FBN3: variants seen among roughly 807,000 people sequenced by gnomAD.
FBN3 encodes fibrillin-3.
A neutral mutation model predicts 330.1 loss-of-function variants in FBN3; 234 were observed. The observed-to-expected ratio is 0.71, with a 90% CI of 0.64 to 0.79. The LOEUF (loss-of-function observed/expected upper bound fraction) is 0.79. Among genes scored for constraint, FBN3 ranks in the 30% least tolerant of loss-of-function variants. FBN3 has a pLI of 0.00. For missense variants in FBN3, 3,606 were observed against 3,886.9 expected, an observed-to-expected ratio of 0.93 and a Z score of 1.92; for synonymous variants, 1,458 against 1,517.3, an observed-to-expected ratio of 0.96 and a Z score of 0.91.
In FBN3 at chr19:8,121,184, G is replaced by A. The variant is rs1219568952; in HGVS notation, c.3211+74C>T. The A allele has an allele frequency of 1.7e-5, 23 of 1,388,804 alleles. No homozygotes were observed. Among genetic ancestry groups the A allele is most frequent in the South Asian group, 4.2e-5 (3 of 71,518 alleles). The allele number at this position is 1,388,804 out of a possible 1,614,324, so 86.0% of individuals were successfully genotyped here. On this transcript the variant is annotated intron_variant, in intron 25 of 63. Coordinates refer to ENST00000600128, the MANE Select transcript of FBN3 (RefSeq NM_032447.5). The surrounding 1 kb of genome is among the most constrained non-coding windows in gnomAD (Gnocchi z 4.5). ...CATCCACGTCCACACAGCAACAGCC[G>A]TCCCCACCCTCCCTCTCCTCAATGC...
At chr19:8,101,826 C>A (rs2082333807) in intron 40 of FBN3, among the ~76,000 whole-genome samples, 1 of 152,242 alleles carries the variant, frequency 6.6e-6, no homozygotes, top group African/African-American at 2.4e-5. Flanking sequence ...ATTGATCCAT[C>A]CTGAATTCTC....
In FBN3 at chr19:8,123,501, C is replaced by T; in HGVS notation, c.3045G>A (p.Gly1015=). 2 of 1,614,154 alleles carry T rather than the reference C, an allele frequency of 1.2e-6. No homozygotes were observed. The highest frequency in any genetic ancestry group is 1.7e-6 in the Non-Finnish European group (2 of 1,180,008). ...TVGSFHCACA[G]GFALDAQERN... is the part of the protein sequence containing the mutation. ...GTTCCTGGGCATCCAGGGCGAAGCC[C>T]CCCGCACAGGCGCAGTGGAAGCTGC... The change falls in exon 24 of 64, where the codon GGG becomes GGA. Residue 1015 remains glycine, a synonymous_variant. Transcript: ENST00000600128.
At position 8,123,779 on chromosome 19, in the gene FBN3, C is replaced by A; in HGVS notation, c.2956+5G>T. On this transcript the variant is annotated splice_donor_5th_base_variant and intron_variant, in intron 23 of 63. Transcript: ENST00000600128. ...CCAGGGGCCTGACCCCTTCCCCAACCGCACCTTTATAGAATGGTCGGCCAG... is the reference window on the plus strand; with the variant it reads ...CCAGGGGCCTGACCCCTTCCCCAACAGCACCTTTATAGAATGGTCGGCCAG... 1 of 1,612,942 alleles carries A rather than the reference C, an allele frequency of 6.2e-7. No homozygotes were observed.
At chr19:8,135,936 G>GGGGGGGGGGGGGGGGCGCCCCCCCCCCCC in intron 13 of FBN3, 25 bp downstream of exon 13, 2 of 668,776 alleles carry the variant, frequency 3.0e-6, no homozygotes, top group South Asian at 1.6e-5. Flanking sequence ...GGAAGCCCCT[G>GGGGGGGGGGGGGGGGCGCCCCCCCCCCCC]CCCACCCGCC....
chr19:8,074,360 G>A (rs2081591136), intron 61 of FBN3, among the ~76,000 whole-genome samples: 1 of 152,126 alleles, frequency 6.6e-6, no homozygotes, highest in Admixed American at 6.5e-5. Flanking sequence ...CAGACAAAAG[G>A]AGGGGGCAGA....
Position 8,121,759 on chromosome 19 carries a change from A to T in FBN3, c.3083-373T>A, listed in dbSNP as rs4527135. 0.34 allele frequency among the ~76,000 whole-genome samples: 51,206 copies of T among 151,058 alleles called. 8,959 individuals carry two copies. The highest frequency in any genetic ancestry group is 0.46 in the South Asian group (2,218 of 4,792). ...ATTTTTATTACTTATTTATTTATTT[A>T]CTTTTTTAGAGACAGAGTCTTGCTC... On this transcript the variant is annotated intron_variant, in intron 24 of 63. Coordinates refer to ENST00000600128, the MANE Select transcript of FBN3 (RefSeq NM_032447.5). The surrounding 1 kb of genome is among the most constrained non-coding windows in gnomAD (Gnocchi z 4.5).
At chr19:8,118,803 C>G (rs902964484) in intron 26 of FBN3, 94 bp downstream of exon 26, 41 of 1,473,384 alleles carry the variant, frequency 2.8e-5, no homozygotes, top group South Asian at 3.8e-5. Flanking sequence ...ACATGCCCAC[C>G]CTCTCACTCA....
Position 8,134,992 on chromosome 19 carries a change from T to A in FBN3, c.1591+969A>T, listed in dbSNP as rs866376787. On this transcript the variant is annotated intron_variant, in intron 13 of 63. Transcript: ENST00000600128. ...ATATTTTACATATATATATATATAT[T>A]TTTTGAAACAAGGTCTAGGTCTGTC... is the stretch of plus-strand genomic sequence containing the variant. 1.0e-4 allele frequency among the ~76,000 whole-genome samples: 15 copies of A among 149,324 alleles called. No homozygotes were observed. The South Asian group carries it at 1.0e-3, about 10-fold the overall frequency.
At chr19:8,135,936 G>GTCACCCCCCCCCC in intron 13 of FBN3, 25 bp downstream of exon 13, 1 of 668,778 alleles carries the variant, frequency 1.5e-6, no homozygotes, top group Non-Finnish European at 2.4e-6. Context: ...GGAAGCCCCT[G>GTCACCCCCCCCCC]CCCACCCGCC....
At position 8,129,232 on chromosome 19, in the gene FBN3, A is replaced by C; in HGVS notation, c.2170+8T>G. Reference sequence around the variant, plus strand: ...CCCACACATCCGCCCGCCAGGTGGCATGCTCACCTGTGCAGTCCTTGCCTG... The same window carrying C: ...CCCACACATCCGCCCGCCAGGTGGCCTGCTCACCTGTGCAGTCCTTGCCTG... On this transcript the variant is annotated splice_region_variant and intron_variant, in intron 17 of 63. Coordinates refer to ENST00000600128, the MANE Select transcript of FBN3 (RefSeq NM_032447.5). This position sits in a 1 kb window ranked among gnomAD's most constrained non-coding sequence, Gnocchi z 4.5. The C allele has an allele frequency of 6.2e-7, 1 of 1,613,850 alleles. No individual in the cohort carries two copies. The highest frequency in any genetic ancestry group is 1.1e-5 in the South Asian group (1 of 91,038).
At chr19:8,133,185 T>A in intron 13 of FBN3, 79 bp from the exon 14 acceptor site, 2 of 1,466,148 alleles carry the variant, frequency 1.4e-6, no homozygotes, top group South Asian at 1.4e-5. Flanking sequence ...GCTCCAGGGC[T>A]GACCCCCCAG....
intron 22 of FBN3, 103 bp downstream of exon 22, chr19:8,125,789 T>C (rs2082964625): frequency 9.2e-6 from 11 of 1,197,594 alleles, no homozygotes; most frequent in Non-Finnish European, 1.1e-5. Context: ...AGACTCCATC[T>C]CAAAAAAAAA....
At position 8,102,732 on chromosome 19, in the gene FBN3, G is replaced by T. The variant is rs1457007247; in HGVS notation, c.5081C>A (p.Pro1694His). The T allele has an allele frequency of 6.2e-7, 1 of 1,612,730 alleles. No homozygotes were observed. The highest frequency in any genetic ancestry group is 1.7e-5 in the Admixed American group (1 of 60,004). Residue 1694 changes from proline (P) to histidine (H), a missense_variant, in exon 40 of 64, where the codon CCC becomes CAC. Pro to His is a moderately conservative substitution (Grantham distance 77). Transcript: ENST00000600128. ...WNRPCEACPT[P>H]ISPDYQILCG... ...TGGGGAGGGTTACTCACGACTGATG[G>T]GAGTGGGGCAGGCCTCACAGGGTCT...
chr19:8,089,867 C>A lies in FBN3; in HGVS notation c.6250+27G>T, dbSNP rs200433396. On this transcript the variant is annotated intron_variant, in intron 50 of 63. Transcript: ENST00000600128. ...ATGGATCTGGGTGGCCCAGAAGGGG[C>A]TCTTAGCATGTGGGTGAGGGGCTCA... 5.5e-5 allele frequency: 87 copies of A among 1,577,792 alleles called. No homozygotes were observed. The East Asian group carries it at 1.9e-3, about 35-fold the overall frequency.
In FBN3 at chr19:8,131,101, T is replaced by G; in HGVS notation, c.2044+134A>C. Reference sequence around the variant, plus strand: ...AGGAGTGTGAGAGAATCAGCTTCTGTTGTTGAAGCCGTCTGGTCTGGGGCA... The same window carrying G: ...AGGAGTGTGAGAGAATCAGCTTCTGGTGTTGAAGCCGTCTGGTCTGGGGCA... On this transcript the variant is annotated intron_variant, in intron 16 of 63. Coordinates refer to ENST00000600128, the MANE Select transcript of FBN3 (RefSeq NM_032447.5). This position sits in a 1 kb window ranked among gnomAD's most constrained non-coding sequence, Gnocchi z 4.5. 1 of 722,792 alleles carries G rather than the reference T, an allele frequency of 1.4e-6. No homozygotes were observed. The allele number at this position is 722,792 out of a possible 1,614,324, so 44.8% of individuals were successfully genotyped here.
At chr19:8,148,641 C>T (rs1320506979) in intron 1 of FBN3, 1 of 152,272 alleles carries the variant, frequency 6.6e-6, no homozygotes, top group African/African-American at 2.4e-5. Context: ...ACCAAGTGGC[C>T]TTCCTGTTCC....
chr19:8,099,276 A>T (rs76337675), intron 41 of FBN3, among the ~76,000 whole-genome samples: 18 of 98,866 alleles, frequency 1.8e-4, no homozygotes, highest in Admixed American at 2.8e-4. Context: ...TCATGGTTTG[A>T]TTTTTTTTTT....
Position 8,075,193 on chromosome 19 carries a change from G to A in FBN3, c.7583-3C>T. On this transcript the variant is annotated splice_region_variant and splice_polypyrimidine_tract_variant and intron_variant, in intron 60 of 63. Coordinates refer to ENST00000600128, the MANE Select transcript of FBN3 (RefSeq NM_032447.5). ...GGGCCCATCACATTCATTCACATCT[G>A]AGACATAGAGAGAGGGAGAGAGGGT... The A allele has an allele frequency of 6.4e-7, 1 of 1,565,760 alleles. No homozygotes were observed. The highest frequency in any genetic ancestry group is 8.7e-7 in the Non-Finnish European group (1 of 1,151,946).
Position 8,129,919 on chromosome 19 carries a change from A to T in FBN3, c.2045-554T>A, listed in dbSNP as rs61375545. Among the ~76,000 whole-genome samples the T allele has an allele frequency of 0.041, 6,192 of 150,204 alleles. 379 individuals carry two copies. The highest frequency in any genetic ancestry group is 0.14 in the African/African-American group (5,531 of 40,888). ...AAAAAGCAATTTTTTTTTTTTTGAG[A>T]TAGGGTCTCACTCTGTCGCACAGGC... On this transcript the variant is annotated intron_variant, in intron 16 of 63. Coordinates refer to ENST00000600128, the MANE Select transcript of FBN3 (RefSeq NM_032447.5). The surrounding 1 kb of genome is among the most constrained non-coding windows in gnomAD (Gnocchi z 4.5).
Sources: allele counts gnomAD v4.1 joint callset (sites outside exome capture counted in the v4.1 genomes callset), GRCh38; gene constraint gnomAD v4.1.1; non-coding constraint Gnocchi (gnomAD v3.1); transcripts MANE v1.5; gene names NCBI Gene and HGNC (gene_info 2026-07-23, HGNC 2026-07-21).